NCKAP5: variants seen among roughly 807,000 people sequenced by gnomAD.
NCKAP5 encodes the protein NCK associated protein 5.
A neutral mutation model predicts 167.0 loss-of-function variants in NCKAP5; 92 were observed. The observed-to-expected ratio is 0.55, with a 90% CI of 0.47 to 0.66. The LOEUF (loss-of-function observed/expected upper bound fraction) is 0.66, where lower values mean the gene tolerates loss of function less well. NCKAP5 is among the 30% of genes least tolerant of loss of function. The pLI is 0.00. For synonymous variants in NCKAP5, 891 were observed against 877.4 expected, an observed-to-expected ratio of 1.02 and a Z score of -0.27; for missense variants, 2,378 against 2,315.0, an observed-to-expected ratio of 1.03 and a Z score of -0.56.
chr2:132,973,219 A>G (rs2076884797), intron 7 of NCKAP5, among the ~76,000 whole-genome samples: 2 of 152,198 alleles, frequency 1.3e-5, no homozygotes, highest in South Asian at 4.1e-4. Context: ...AAATTATGGC[A>G]GAGGGGATAG....
At chr2:132,906,675 C>A (rs759519521) in intron 8 of NCKAP5, among the ~76,000 whole-genome samples, 12 of 152,106 alleles carry the variant, frequency 7.9e-5, no homozygotes, top group Non-Finnish European at 1.2e-4. Context: ...TTCTTGACAA[C>A]CAGAGCAGAT....
At chr2:132,781,362 T>TCC in intron 14 of NCKAP5, 133 bp from the exon 15 acceptor site, 1 of 752,188 alleles carries the variant, frequency 1.3e-6, no homozygotes. Context: ...CGGATAAGGG[T>TCC]TTCTCATGGG....
chr2:133,518,600 T>G (rs888686565), intron 2 of NCKAP5, among the ~76,000 whole-genome samples: 1 of 152,008 alleles, frequency 6.6e-6, no homozygotes, highest in South Asian at 2.1e-4. Context: ...ATGATCTGCC[T>G]GCCTCGGCCT....
intron 6 of NCKAP5, among the ~76,000 whole-genome samples, chr2:133,074,437 G>A (rs2080525155): frequency 6.6e-6 from 1 of 152,094 alleles, no homozygotes; most frequent in Non-Finnish European, 1.5e-5. Flanking sequence ...ATAGCTCACT[G>A]CAGCCTCGAC....
intron 3 of NCKAP5, among the ~76,000 whole-genome samples, chr2:133,409,972 G>C (rs112823058): frequency 7.2e-5 from 11 of 152,228 alleles, no homozygotes; most frequent in African/African-American, 2.6e-4. Context: ...TAATAAAAAT[G>C]GTACTAGACA....
intron 3 of NCKAP5, among the ~76,000 whole-genome samples, chr2:133,323,520 G>A (rs909772602): frequency 6.6e-6 from 1 of 152,188 alleles, no homozygotes; most frequent in Admixed American, 6.5e-5. Context: ...AGGAGAGAAT[G>A]ATTATATGCG....
chr2:133,003,711 A>G (rs943700491), intron 6 of NCKAP5, among the ~76,000 whole-genome samples: 1 of 152,230 alleles, frequency 6.6e-6, no homozygotes, highest in African/African-American at 2.4e-5. Context: ...TTTTTAATTC[A>G]GCACAAATTT....
chr2:133,459,046 C>T (rs941016397), intron 3 of NCKAP5, among the ~76,000 whole-genome samples: 4 of 152,142 alleles, frequency 2.6e-5, no homozygotes, highest in Admixed American at 1.3e-4. Context: ...CTCGGCTTTA[C>T]CTGAACTCTC....
At chr2:133,041,593 G>C (rs2079219616) in intron 6 of NCKAP5, among the ~76,000 whole-genome samples, 1 of 152,074 alleles carries the variant, frequency 6.6e-6, no homozygotes, top group African/African-American at 2.4e-5. Flanking sequence ...ATATGAATTG[G>C]AATTTTCTTT....
At chr2:132,748,889 T>C (rs1679876094) in intron 16 of NCKAP5, among the ~76,000 whole-genome samples, 1 of 151,960 alleles carries the variant, frequency 6.6e-6, no homozygotes, top group Admixed American at 6.6e-5. Context: ...GTTCAAGCAA[T>C]TCTCCTGTCT....
At chr2:132,705,792 A>C (rs554978814) in intron 19 of NCKAP5, among the ~76,000 whole-genome samples, 1 of 152,350 alleles carries the variant, frequency 6.6e-6, no homozygotes, top group East Asian at 1.9e-4. Context: ...CATCTAGTCC[A>C]ATACTCCCAT....
At chr2:132,713,518 A>C (rs1442501676) in intron 19 of NCKAP5, among the ~76,000 whole-genome samples, 2 of 152,218 alleles carry the variant, frequency 1.3e-5, no homozygotes, top group Admixed American at 6.5e-5. Context: ...CAAAGATTTC[A>C]TGGGACACTG....
At chr2:132,955,208 C>T (rs559614793) in intron 8 of NCKAP5, among the ~76,000 whole-genome samples, 11 of 152,312 alleles carry the variant, frequency 7.2e-5, no homozygotes, top group Non-Finnish European at 1.2e-4. Context: ...GAAAATAGCC[C>T]GTTCCTCTCA....
intron 7 of NCKAP5, among the ~76,000 whole-genome samples, chr2:132,990,572 T>C (rs1407962127): frequency 6.6e-6 from 1 of 152,204 alleles, no homozygotes; most frequent in East Asian, 1.9e-4. Context: ...GATCTCAAGA[T>C]GAGGAAATTA....
chr2:133,234,963 A>C (rs1021517657), intron 4 of NCKAP5, among the ~76,000 whole-genome samples: 5 of 144,552 alleles, frequency 3.5e-5, no homozygotes, highest in South Asian at 2.5e-4. Flanking sequence ...TCTTAAGGCC[A>C]GTTAACAACC....
At chr2:133,570,736 G>A (rs1388595118), upstream of NCKAP5, among the ~76,000 whole-genome samples, 1 of 152,190 alleles carries the variant, frequency 6.6e-6, no homozygotes, top group Admixed American at 6.5e-5. Flanking sequence ...GCAAGCACCG[G>A]AGCGACAAGT....
At position 132,773,863 on chromosome 2, in the gene NCKAP5, T is replaced by A. The variant is rs933460435; in HGVS notation, c.5081A>T (p.Asp1694Val). ...VKEANENLQE[D>V]EDDAVADSVF... The stretch of plus-strand genomic sequence containing the variant: ...AGAATCTGCAACTGCATCGTCTTCA[T>A]CCTCTTGCAAGTTTTCATTTGCCTC... Residue 1694 changes from aspartate to valine, a missense_variant, in exon 16 of 20, where the codon GAT (aspartate) becomes GTT (valine). Physicochemically the swap from Asp to Val is radical, Grantham distance 152. Transcript: ENST00000409261. 1 of 1,611,258 alleles carries A rather than the reference T, an allele frequency of 6.2e-7. No homozygotes were observed. The highest frequency in any genetic ancestry group is 8.5e-7 in the Non-Finnish European group (1 of 1,179,102).
At chr2:133,464,834 TAAG>T (rs1165729345) in intron 3 of NCKAP5, among the ~76,000 whole-genome samples, 4 of 151,594 alleles carry the variant, frequency 2.6e-5, no homozygotes, top group African/African-American at 9.7e-5. Context: ...GACTTCAACT[TAAG>T]AAGAGAACTT....
At chr2:133,584,346 T>C in the NCKAP5 span, among the ~76,000 whole-genome samples, 1 of 152,198 alleles carries the variant, frequency 6.6e-6, no homozygotes, top group Non-Finnish European at 1.5e-5. Flanking sequence ...AGGTAATGTA[T>C]CCTGAGAGGC....
Sources: gnomAD v4.1 joint callset for allele counts (sites outside exome capture counted in the v4.1 genomes callset) on GRCh38, gnomAD v4.1.1 for gene constraint, MANE v1.5 for transcripts, NCBI Gene and HGNC (gene_info 2026-07-23, HGNC 2026-07-21) for gene names.